The following FGF12 variants were observed in gnomAD, a reference collection of about 807,000 sequenced individuals.
FGF12 encodes the protein fibroblast growth factor 12B.
A neutral mutation model predicts 23.6 loss-of-function variants in FGF12; 14 were observed. The observed-to-expected ratio is 0.59, with a 90% CI of 0.39 to 0.93. The LOEUF is 0.93. FGF12 is among the 40% of genes least tolerant of loss of function. FGF12 has a pLI of 0.00. For synonymous variants in FGF12, 62 were observed against 77.3 expected (o/e 0.80, Z 1.04); for missense variants, 175 against 217.8 (o/e 0.80, Z 1.24).
intron 2 of FGF12, among the ~76,000 whole-genome samples, chr3:192,576,842 G>A (rs984172191): frequency 1.3e-5 from 2 of 152,164 alleles, no homozygotes; most frequent in African/African-American, 4.8e-5. Flanking sequence ...CAAAGAAAAT[G>A]TGACACATAG....
intron 5 of FGF12, among the ~76,000 whole-genome samples, chr3:192,154,386 C>A (rs1198627136): frequency 8.2e-6 from 1 of 122,110 alleles, no homozygotes; most frequent in African/African-American, 3.0e-5. Flanking sequence ...GGAGGAGAGA[C>A]GCTCTGCATT....
At chr3:192,537,949 C>CCTTTTTTTTTTTTTTTTTT (rs1725267481) in intron 2 of FGF12, among the ~76,000 whole-genome samples, 1 of 99,150 alleles carries the variant, frequency 1.0e-5, no homozygotes, top group Non-Finnish European at 2.4e-5. Flanking sequence ...AAGCCTTTAA[C>CCTTTTTTTTTTTTTTTTTT]CTTTTTTTTT....
At chr3:192,572,106 A>C (rs895443161) in intron 2 of FGF12, among the ~76,000 whole-genome samples, 1 of 152,214 alleles carries the variant, frequency 6.6e-6, no homozygotes, top group African/African-American at 2.4e-5. Context: ...GAACCTTCTC[A>C]TAGTAATCCA....
At chr3:192,680,861 T>G (rs1304229636) in intron 2 of FGF12, among the ~76,000 whole-genome samples, 1 of 152,124 alleles carries the variant, frequency 6.6e-6, no homozygotes, top group Non-Finnish European at 1.5e-5. Flanking sequence ...TAAACAAAAG[T>G]GTCCCTACCT....
chr3:192,666,956 T>TAGATAGAC (rs1553845485), intron 2 of FGF12, among the ~76,000 whole-genome samples: 3 of 145,616 alleles, frequency 2.1e-5, no homozygotes, highest in Non-Finnish European at 3.0e-5. Flanking sequence ...GATAGATAGA[T>TAGATAGAC]AGACATAAAG....
intron 5 of FGF12, among the ~76,000 whole-genome samples, chr3:192,163,916 A>T (rs1460547551): frequency 6.6e-6 from 1 of 151,984 alleles, no homozygotes; most frequent in Non-Finnish European, 1.5e-5. Context: ...CTTTATTCCA[A>T]GTTTAATACT....
At chr3:192,323,293 T>A (rs539867322) in intron 4 of FGF12, among the ~76,000 whole-genome samples, 15 of 152,298 alleles carry the variant, frequency 9.8e-5, no homozygotes, top group African/African-American at 2.6e-4. Context: ...CTATTCACAA[T>A]ACCAGGATTT....
intron 4 of FGF12, among the ~76,000 whole-genome samples, chr3:192,195,476 ACTTACCG>A (rs1717018524): frequency 1.3e-5 from 2 of 152,346 alleles, no homozygotes; most frequent in South Asian, 4.1e-4. Flanking sequence ...ATACAAAAAC[ACTTACCG>A]TTATTTACAA....
chr3:192,428,225 T>A (rs1476077496), intron 2 of FGF12, among the ~76,000 whole-genome samples: 1 of 152,178 alleles, frequency 6.6e-6, no homozygotes. Flanking sequence ...TGTGTCTCAA[T>A]TGTGTCTATC....
In FGF12 at chr3:192,617,809, G is replaced by C. The variant is rs74903720; in HGVS notation, c.13+109372C>G. On this transcript the variant is annotated intron_variant, in intron 2 of 5. Transcript: ENST00000445105. Reference sequence around the variant, plus strand: ...ACAAGGAAAATGCTAAGTAGGAGAGGAAAAACTGGGTAGATGCTGAACAGG... The same window carrying C: ...ACAAGGAAAATGCTAAGTAGGAGAGCAAAAACTGGGTAGATGCTGAACAGG... Among the ~76,000 whole-genome samples the C allele has an allele frequency of 4.3e-4, 66 of 152,148 alleles. No homozygotes were observed. The East Asian group carries it at 0.011, about 25-fold the overall frequency.
At chr3:192,462,941 TATG>T (rs1331659572) in intron 2 of FGF12, among the ~76,000 whole-genome samples, 1 of 152,134 alleles carries the variant, frequency 6.6e-6, no homozygotes, top group Non-Finnish European at 1.5e-5. Context: ...ATATTAAAAA[TATG>T]ATGTACGAAG....
intron 2 of FGF12, among the ~76,000 whole-genome samples, chr3:192,529,827 C>A: frequency 6.6e-6 from 1 of 152,188 alleles, no homozygotes; most frequent in East Asian, 1.9e-4. Flanking sequence ...CAGGAAAGAC[C>A]CACCCTCATG....
chr3:192,631,097 C>T (rs1443111618), intron 2 of FGF12, among the ~76,000 whole-genome samples: 1 of 152,148 alleles, frequency 6.6e-6, no homozygotes, highest in African/African-American at 2.4e-5. Context: ...TCTCTTTCTC[C>T]AGTTCCTGAG....
intron 4 of FGF12, among the ~76,000 whole-genome samples, chr3:192,204,260 G>A (rs746511572): frequency 1.3e-5 from 2 of 152,094 alleles, no homozygotes; most frequent in Non-Finnish European, 2.9e-5. Flanking sequence ...GCAAATAAGA[G>A]TCTCAACATG....
intron 2 of FGF12, among the ~76,000 whole-genome samples, chr3:192,569,409 A>G (rs1435209261): frequency 2.0e-5 from 3 of 152,174 alleles, no homozygotes; most frequent in Non-Finnish European, 1.5e-5. Context: ...TTTCTAAGGA[A>G]CCCTCGTATT....
At chr3:192,621,690 C>CAAAAAA (rs5855441) in intron 2 of FGF12, among the ~76,000 whole-genome samples, 109 of 94,212 alleles carry the variant, frequency 1.2e-3, no homozygotes, top group Middle Eastern at 7.5e-3. Context: ...GATACAAATA[C>CAAAAAA]AAAAAAAAAA....
chr3:192,166,353 C>A (rs1577194101), intron 5 of FGF12, among the ~76,000 whole-genome samples: 1 of 152,150 alleles, frequency 6.6e-6, no homozygotes, highest in South Asian at 2.1e-4. Flanking sequence ...ACTTTTATTT[C>A]TAAGGGGTAG....
chr3:192,505,916 C>G (rs1724277783), intron 2 of FGF12, among the ~76,000 whole-genome samples: 1 of 152,164 alleles, frequency 6.6e-6, no homozygotes, highest in African/African-American at 2.4e-5. Context: ...GAGCTTTATG[C>G]TAAACAGGGT....
intron 4 of FGF12, among the ~76,000 whole-genome samples, chr3:192,230,811 T>C (rs1472156531): frequency 6.6e-6 from 1 of 152,144 alleles, no homozygotes; most frequent in Non-Finnish European, 1.5e-5. Context: ...ATGTAAGGAA[T>C]GATCAATCAA....
Sources: allele counts gnomAD v4.1 joint callset (sites outside exome capture counted in the v4.1 genomes callset), GRCh38; gene constraint gnomAD v4.1.1; transcripts MANE v1.5; gene names NCBI Gene and HGNC (gene_info 2026-07-23, HGNC 2026-07-21).